The following SGCD variants were observed in gnomAD, a reference collection of about 807,000 sequenced individuals.
SGCD encodes the protein delta-sarcoglycan.
In SGCD, 18 loss-of-function variants were observed where a neutral mutation model predicts 36.6. That is an observed-to-expected ratio of 0.49 (90% CI 0.34 to 0.73). SGCD has a LOEUF of 0.73. SGCD is among the 30% of genes least tolerant of loss of function. SGCD has a pLI of 0.01. For missense variants in SGCD, 387 were observed against 346.7 expected, an observed-to-expected ratio of 1.12 and a Z score of -0.92; for synonymous variants, 133 against 130.6, an observed-to-expected ratio of 1.02 and a Z score of -0.12.
intron 1 of SGCD, among the ~76,000 whole-genome samples, chr5:156,074,533 T>G (rs886337370): frequency 3.3e-5 from 5 of 152,026 alleles, no homozygotes; most frequent in Admixed American, 2.0e-4. Context: ...AATATAAAAA[T>G]TAGCCGGGCG....
the SGCD span, among the ~76,000 whole-genome samples, chr5:155,787,311 C>A: frequency 6.6e-6 from 1 of 152,090 alleles, no homozygotes; most frequent in Non-Finnish European, 1.5e-5. Context: ...ACTGCACATG[C>A]CTCCAATCCG....
upstream of SGCD, among the ~76,000 whole-genome samples, chr5:156,323,897 A>T (rs1338331646): frequency 6.6e-6 from 1 of 152,220 alleles, no homozygotes; most frequent in Non-Finnish European, 1.5e-5. Context: ...GTACAGTCCT[A>T]TCGTATTAAA....
At chr5:156,385,510 C>T (rs1771229255) in intron 3 of SGCD, among the ~76,000 whole-genome samples, 1 of 152,174 alleles carries the variant, frequency 6.6e-6, no homozygotes, top group South Asian at 2.1e-4. Flanking sequence ...TTAAATTCAA[C>T]AATCCTCACT....
intron 1 of SGCD, among the ~76,000 whole-genome samples, chr5:156,056,029 G>A (rs1760047856): frequency 6.8e-6 from 1 of 146,380 alleles, no homozygotes; most frequent in Non-Finnish European, 1.5e-5. Context: ...AACCAGTGTG[G>A]ACTAGACTTA....
intron 7 of SGCD, among the ~76,000 whole-genome samples, chr5:156,682,810 G>T (rs1753770614): frequency 6.6e-6 from 1 of 152,030 alleles, no homozygotes; most frequent in South Asian, 2.1e-4. Context: ...TAATGACTTT[G>T]GAAGCAACAT....
Position 156,184,130 on chromosome 5 carries a change from A to G in SGCD, c.-44+60111A>G, listed in dbSNP as rs58479133. 9.2e-3 allele frequency among the ~76,000 whole-genome samples: 1,397 copies of G among 152,306 alleles called. 14 individuals are homozygous for G. The highest frequency in any genetic ancestry group is 0.032 in the African/African-American group (1,344 of 41,562). On this transcript the variant is annotated intron_variant, in intron 3 of 9. Transcript: ENST00000517913. ...CATCTAACGTAAAGCCTGTTTTATA[A>G]TAAAGTGTTGAATATCTCAAATAAT...
chr5:156,235,090 A>G (rs1014952387), intron 3 of SGCD, among the ~76,000 whole-genome samples: 2 of 152,222 alleles, frequency 1.3e-5, no homozygotes, highest in African/African-American at 4.8e-5. Flanking sequence ...CTGATAATGT[A>G]TGCTTTCCCC....
chr5:155,858,215 C>T, the SGCD span, among the ~76,000 whole-genome samples: 1 of 152,172 alleles, frequency 6.6e-6, no homozygotes, highest in Non-Finnish European at 1.5e-5. Flanking sequence ...TATTCTACAA[C>T]ATTTAATCTT....
intron 3 of SGCD, among the ~76,000 whole-genome samples, chr5:156,303,756 G>A (rs1044191023): frequency 2.0e-5 from 3 of 151,724 alleles, no homozygotes; most frequent in African/African-American, 7.3e-5. Context: ...TGTCATTCAG[G>A]AGCTAGGGCC....
At chr5:156,682,609 T>C (rs115196452) in intron 7 of SGCD, among the ~76,000 whole-genome samples, 1 of 152,186 alleles carries the variant, frequency 6.6e-6, no homozygotes. Context: ...ACAAAAAGAA[T>C]GTAGTATGGA....
In SGCD at chr5:156,761,683, G is replaced by A. The variant is rs1757502929; in HGVS notation, c.*2293G>A. Reference sequence around the variant, plus strand: ...ATCTGAAGTTCATTAATCTTTAGATGACAAAAAAGCAAAAAGTTCCCAGAA... The same window carrying A: ...ATCTGAAGTTCATTAATCTTTAGATAACAAAAAAGCAAAAAGTTCCCAGAA... On this transcript the variant is annotated 3_prime_UTR_variant, in exon 9 of 9. Coordinates refer to ENST00000337851, the MANE Select transcript of SGCD (RefSeq NM_000337.6). 1 of 152,106 alleles carries A rather than the reference G, an allele frequency of 6.6e-6. No homozygotes were observed. The highest frequency in any genetic ancestry group is 6.5e-5 in the Admixed American group (1 of 15,274). The allele number at this position is 152,106 out of a possible 1,614,324, so 9.4% of individuals were successfully genotyped here. A position where few individuals can be genotyped will look rare whatever the true frequency, so the allele number is the denominator to read the frequency against.
chr5:156,197,926 A>G (rs1397562609), intron 3 of SGCD, among the ~76,000 whole-genome samples: 4 of 152,018 alleles, frequency 2.6e-5, no homozygotes, highest in Non-Finnish European at 5.9e-5. Flanking sequence ...TCACCTACTT[A>G]CGTAATTAGC....
the SGCD span, among the ~76,000 whole-genome samples, chr5:155,836,458 CCT>C: frequency 7.1e-6 from 1 of 141,658 alleles, no homozygotes; most frequent in Non-Finnish European, 1.5e-5. Context: ...AACTTCTCTA[CCT>C]CTGATACCCA....
intron 3 of SGCD, among the ~76,000 whole-genome samples, chr5:156,304,993 A>G (rs916860205): frequency 1.3e-5 from 2 of 152,210 alleles, no homozygotes; most frequent in Middle Eastern, 3.2e-3. Context: ...TCAAGAAGTG[A>G]CTTGGGTGCT....
intron 7 of SGCD, among the ~76,000 whole-genome samples, chr5:156,705,617 C>T (rs1227055909): frequency 6.6e-6 from 1 of 152,034 alleles, no homozygotes; most frequent in African/African-American, 2.4e-5. Flanking sequence ...AAATGGAGAG[C>T]CCTTTTGCCA....
chr5:156,116,738 C>T (rs894618827), intron 1 of SGCD, among the ~76,000 whole-genome samples: 3 of 152,102 alleles, frequency 2.0e-5, no homozygotes, highest in African/African-American at 7.2e-5. Context: ...TCCCATTCCC[C>T]ATCTACAAAG....
intron 3 of SGCD, among the ~76,000 whole-genome samples, chr5:156,481,936 A>G (rs1031886591): frequency 6.6e-6 from 1 of 152,178 alleles, no homozygotes; most frequent in Non-Finnish European, 1.5e-5. Flanking sequence ...TGCTTATGCC[A>G]CGTTCAGGGA....
At chr5:155,831,989 G>A in the SGCD span, among the ~76,000 whole-genome samples, 1 of 152,194 alleles carries the variant, frequency 6.6e-6, no homozygotes, top group African/African-American at 2.4e-5. Flanking sequence ...ATTCAAAGAT[G>A]TGGTTAGCTG....
intron 3 of SGCD, among the ~76,000 whole-genome samples, chr5:156,501,151 G>C (rs367734638): frequency 6.6e-6 from 1 of 152,122 alleles, no homozygotes; most frequent in Non-Finnish European, 1.5e-5. Flanking sequence ...TAGAATTCAC[G>C]GGAGGCACAG....
Sources: allele counts gnomAD v4.1 joint callset (sites outside exome capture counted in the v4.1 genomes callset), GRCh38; gene constraint gnomAD v4.1.1; transcripts MANE v1.5; gene names NCBI Gene and HGNC (gene_info 2026-07-23, HGNC 2026-07-21).